Variants in PNPT1 observed in about 807,000 individuals in gnomAD.
The protein encoded by PNPT1 is polyribonucleotide nucleotidyltransferase 1, also known as polyribonucleotide nucleotidyltransferase 1, mitochondrial.
Under a neutral mutation model 119.5 loss-of-function variants are expected in PNPT1, and 53 were observed. The observed-to-expected ratio is 0.44, with a 90% confidence interval of 0.36 to 0.56. The LOEUF (loss-of-function observed/expected upper bound fraction) is 0.56. PNPT1 is among the 20% of genes least tolerant of loss of function. The probability of loss-of-function intolerance (pLI) is 0.00; values close to 1 mark genes in which losing one functional copy is unlikely to be tolerated. For missense variants in PNPT1, 948 were observed against 938.5 expected (o/e 1.01, Z -0.13); for synonymous variants, 357 against 322.1 (o/e 1.11, Z -1.16).
rs749345158 is a variant in PNPT1 at position 55,680,758 on chromosome 2, A to G, written c.519T>C (p.Ala173=). 1.2e-5 allele frequency: 19 copies of G among 1,613,506 alleles called. No individual in the cohort carries two copies. The highest frequency in any genetic ancestry group is 1.5e-5 in the Non-Finnish European group (18 of 1,179,870). The change falls in exon 7 of 28, where the codon GCT becomes GCC. Residue 173 remains alanine (A), a splice_region_variant and synonymous_variant. Transcript: ENST00000447944. ...TATCTGATAATGAGAGGGCTACGGA[A>G]GCTTAAAAAAGGAGAAAAATCAGGG... ...NEPDVLAING[A]SVALSLSDIP... is the part of the protein sequence containing the mutation.
At chr2:55,679,554 C>A in intron 8 of PNPT1, 128 bp downstream of exon 8, 1 of 613,776 alleles carries the variant, frequency 1.6e-6, no homozygotes, top group Non-Finnish European at 2.8e-6. Context: ...AAAAATAGGA[C>A]AGAGATAAAA....
intron 12 of PNPT1, 80 bp downstream of exon 12, chr2:55,667,782 T>A: frequency 6.6e-7 from 1 of 1,517,580 alleles, no homozygotes; most frequent in Non-Finnish European, 8.8e-7. Flanking sequence ...AAACAAACTT[T>A]CTTTGATCAA....
At chr2:55,670,477 C>T (rs533508154) in intron 11 of PNPT1, among the ~76,000 whole-genome samples, 4 of 152,298 alleles carry the variant, frequency 2.6e-5, no homozygotes, top group South Asian at 4.1e-4. Flanking sequence ...TGAGCCACCG[C>T]GCCTGGCCAG....
chr2:55,651,885 C>CAAAAAAAAAAAAA, intron 18 of PNPT1, among the ~76,000 whole-genome samples: 2 of 119,772 alleles, frequency 1.7e-5, no homozygotes, highest in Non-Finnish European at 3.3e-5. Context: ...AAAGGAAAGT[C>CAAAAAAAAAAAAA]AAAAAAAAAA....
Position 55,691,848 on chromosome 2 carries a change from T to TTATA in PNPT1, c.161+1811_161+1814dup, listed in dbSNP as rs869195974. Among the ~76,000 whole-genome samples, 341 of 87,094 alleles carry TTATA rather than the reference T, an allele frequency of 3.9e-3. 1 individual carries two copies. The highest frequency in any genetic ancestry group is 7.5e-3 in the African/African-American group (159 of 21,268). 57.1% of individuals were successfully genotyped at this position (87,094 alleles called of 152,430 possible). A position where few individuals can be genotyped will look rare whatever the true frequency, so the allele number is the denominator to read the frequency against. On this transcript the variant is annotated intron_variant, in intron 1 of 27. Transcript: ENST00000447944. ...TATATTACTCTTCAATTAAAAATGTTTATATATATATATATATATATATAT... is the reference window on the plus strand; with the variant it reads ...TATATTACTCTTCAATTAAAAATGTTTATATATATATATATATATATATATATAT...
intron 7 of PNPT1, 22 bp downstream of exon 7, chr2:55,680,690 T>C (rs777392550): frequency 3.1e-6 from 5 of 1,601,880 alleles, no homozygotes; most frequent in Admixed American, 1.7e-5. Flanking sequence ...ATATGATTTC[T>C]TACTTTTAAA....
intron 17 of PNPT1, among the ~76,000 whole-genome samples, chr2:55,655,422 T>C (rs1228751473): frequency 6.6e-6 from 1 of 152,166 alleles, no homozygotes; most frequent in African/African-American, 2.4e-5. Flanking sequence ...GCCCAGCCTA[T>C]CACAAAAAGT....
chr2:55,687,173 C>T (rs535948559), intron 2 of PNPT1, among the ~76,000 whole-genome samples: 75 of 145,864 alleles, frequency 5.1e-4, no homozygotes, highest in Middle Eastern at 3.6e-3. Flanking sequence ...GAGATCGCGC[C>T]GCTGCACTCC....
Position 55,667,908 on chromosome 2 carries a change from C to G in PNPT1, c.1027G>C (p.Val343Leu), listed in dbSNP as rs766839497. 2.1e-5 allele frequency: 33 copies of G among 1,583,570 alleles called. No individual in the cohort carries two copies. The highest frequency in any genetic ancestry group is 2.6e-5 in the Non-Finnish European group (31 of 1,172,236). Residue 343 changes from valine (V) to leucine (L), a missense_variant, in exon 12 of 28, where the codon GTT becomes CTT. By Grantham distance (32) the Val-to-Leu change is conservative. Transcript: ENST00000447944. ...ATACTTCTAAAAACTTCCTTTGCAA[C>G]AACATTGAAGGATTCTATTATTTCA... ...PYEIIESFNV[V>L]AKEVFRSIVL... is the part of the protein sequence containing the mutation.
At position 55,652,637 on chromosome 2, in the gene PNPT1, G is replaced by T. The variant is rs189260487; in HGVS notation, c.1495+2263C>A. Among the ~76,000 whole-genome samples, 30 of 152,198 alleles carry T rather than the reference G, an allele frequency of 2.0e-4. 1 individual carries two copies. The highest frequency in any genetic ancestry group is 1.9e-3 in the Admixed American group (29 of 15,248). On this transcript the variant is annotated intron_variant, in intron 18 of 27. Transcript: ENST00000447944. ...CCTTTGCTCATCCCTTAACCAGTAT[G>T]AATGGTGCACCTATTATTTAGTCTA...
At chr2:55,665,541 A>G (rs1696706300) in intron 13 of PNPT1, among the ~76,000 whole-genome samples, 1 of 152,222 alleles carries the variant, frequency 6.6e-6, no homozygotes, top group African/African-American at 2.4e-5. Context: ...AAAACACAGT[A>G]AACCATATTA....
chr2:55,657,135 C>G (rs1572809969), intron 15 of PNPT1, among the ~76,000 whole-genome samples: 1 of 152,120 alleles, frequency 6.6e-6, no homozygotes, highest in South Asian at 2.1e-4. Flanking sequence ...TTGAAACTAG[C>G]CTGGCCAACA....
intron 1 of PNPT1, among the ~76,000 whole-genome samples, chr2:55,689,615 T>C (rs1697526534): frequency 6.6e-6 from 1 of 152,226 alleles, no homozygotes; most frequent in African/African-American, 2.4e-5. Context: ...CACCAAAGAC[T>C]ATGTTTCCAT....
chr2:55,689,893 C>G (rs567562173), intron 1 of PNPT1, among the ~76,000 whole-genome samples: 3 of 152,320 alleles, frequency 2.0e-5, no homozygotes. Flanking sequence ...GCCATCTCAG[C>G]TCATCTCAGC....
chr2:55,686,769 C>G (rs1398792451), intron 2 of PNPT1, among the ~76,000 whole-genome samples: 3 of 152,156 alleles, frequency 2.0e-5, no homozygotes, highest in East Asian at 1.9e-4. Context: ...ATCACTTTCT[C>G]TAGAAAAGCA....
chr2:55,683,094 T>C lies in PNPT1; in HGVS notation c.453+691A>G, dbSNP rs145205952. 7.2e-3 allele frequency among the ~76,000 whole-genome samples: 1,092 copies of C among 152,328 alleles called. 5 individuals carry two copies. The highest frequency in any genetic ancestry group is 0.014 in the South Asian group (66 of 4,830). On this transcript the variant is annotated intron_variant, in intron 5 of 27. Coordinates refer to ENST00000447944, the MANE Select transcript of PNPT1 (RefSeq NM_033109.5). ...TATAATAAAGTAGAGGTTCAGAGGATCCAGCAATAAAATTAGGTAATAAAA... is the reference window on the plus strand; with the variant it reads ...TATAATAAAGTAGAGGTTCAGAGGACCCAGCAATAAAATTAGGTAATAAAA...
chr2:55,636,505 TTC>T, intron 27 of PNPT1, 113 bp from the exon 28 acceptor site: 1 of 1,140,288 alleles, frequency 8.8e-7, no homozygotes, highest in Non-Finnish European at 1.2e-6. Flanking sequence ...TTTTTACTTG[TTC>T]ACTGAAAGCA....
At chr2:55,662,070 C>T in intron 13 of PNPT1, 44 bp from the exon 14 acceptor site, 1 of 1,442,004 alleles carries the variant, frequency 6.9e-7, no homozygotes, top group Non-Finnish European at 9.2e-7. Flanking sequence ...ATACTAACCA[C>T]AAAGATGAAA....
At chr2:55,671,286 C>CAAAA in intron 11 of PNPT1, 33 bp downstream of exon 11, 1 of 1,316,808 alleles carries the variant, frequency 7.6e-7, no homozygotes, top group East Asian at 2.7e-5. Flanking sequence ...CTGCCCTCAG[C>CAAAA]AAAAAAATAA....
Sources: gnomAD v4.1 joint callset for allele counts (sites outside exome capture counted in the v4.1 genomes callset) on GRCh38, gnomAD v4.1.1 for gene constraint, MANE v1.5 for transcripts, NCBI Gene and HGNC (gene_info 2026-07-23, HGNC 2026-07-21) for gene names.